Variants in TRERF1 observed in about 807,000 individuals in gnomAD.
TRERF1 encodes the protein transcriptional regulating factor 1.
Under a neutral mutation model 122.9 loss-of-function variants are expected in TRERF1, and 27 were observed. That is an observed-to-expected ratio of 0.22 (90% confidence interval 0.16 to 0.30). TRERF1 has a LOEUF of 0.30. TRERF1 is among the 10% of genes least tolerant of loss of function. TRERF1 has a pLI of 1.00. For synonymous variants in TRERF1, 636 were observed against 641.7 expected, an observed-to-expected ratio of 0.99 and a Z score of 0.13; for missense variants, 1,248 against 1,560.3, an observed-to-expected ratio of 0.80 and a Z score of 3.37.
chr6:42,356,944 T>C (rs1011480090), intron 3 of TRERF1, among the ~76,000 whole-genome samples: 5 of 152,116 alleles, frequency 3.3e-5, no homozygotes, highest in Admixed American at 3.3e-4. Context: ...GACAAGAATG[T>C]TGTGGTAATG....
intron 2 of TRERF1, among the ~76,000 whole-genome samples, chr6:42,410,469 A>G (rs1246852830): frequency 6.6e-6 from 1 of 152,184 alleles, no homozygotes. Flanking sequence ...TTTTTTAAAG[A>G]GCCCATTCAG....
At position 42,269,341 on chromosome 6, in the gene TRERF1, C is replaced by T. The variant is rs1158203112; in HGVS notation, c.250G>A (p.Gly84Arg). 6.2e-6 allele frequency: 10 copies of T among 1,614,076 alleles called. No homozygotes were observed. The highest frequency in any genetic ancestry group is 8.5e-6 in the Non-Finnish European group (10 of 1,180,038). ...CCAGGCCCTGCATGACTTCCCCACC[C>T]TCCCTGCCTCGAGGTATCCATTTGG... Residue 84 changes from glycine (G) to arginine (R), a missense_variant, in exon 5 of 18, where the codon GGG becomes AGG. Gly to Arg is a moderately radical substitution (Grantham distance 125). Around this residue, in one of 5 missense-constraint regions of TRERF1, gnomAD observed 946 missense variants for 1,073.0 expected, o/e 0.88. Coordinates refer to ENST00000372922, the Ensembl canonical transcript of TRERF1. The surrounding 1 kb of genome is among the most constrained non-coding windows in gnomAD (Gnocchi z 4.9).
intron 3 of TRERF1, among the ~76,000 whole-genome samples, chr6:42,314,051 T>C (rs1387405906): frequency 2.0e-5 from 3 of 152,120 alleles, no homozygotes; most frequent in African/African-American, 7.2e-5. Flanking sequence ...TAAAGGGTTT[T>C]TTTTTTGTGC....
At chr6:42,397,132 A>C (rs1778732016) in intron 2 of TRERF1, among the ~76,000 whole-genome samples, 1 of 152,208 alleles carries the variant, frequency 6.6e-6, no homozygotes, top group African/African-American at 2.4e-5. Context: ...GAAACTTACA[A>C]ACTAAAATTA....
intron 2 of TRERF1, among the ~76,000 whole-genome samples, chr6:42,401,983 G>A (rs1357225222): frequency 1.3e-5 from 2 of 152,178 alleles, no homozygotes; most frequent in Non-Finnish European, 2.9e-5. Context: ...ATAAGAGTGG[G>A]TCCTTTTATT....
At chr6:42,256,663 C>T (rs904430383) in intron 12 of TRERF1, 65 bp downstream of exon 12, 2 of 1,439,576 alleles carry the variant, frequency 1.4e-6, no homozygotes, top group Non-Finnish European at 9.8e-7. Context: ...GTACATGAGA[C>T]AATATTGAAA....
chr6:42,418,930 A>T (rs1398844343), intron 2 of TRERF1, among the ~76,000 whole-genome samples: 1 of 152,186 alleles, frequency 6.6e-6, no homozygotes, highest in Non-Finnish European at 1.5e-5. Flanking sequence ...ATCAAGTCAT[A>T]AAGCCTTAAA....
rs569978763 is a variant in TRERF1, at chr6:42,447,076, G to A, written c.-454+4101C>T. Among the ~76,000 whole-genome samples the A allele has an allele frequency of 3.3e-5, 5 of 152,250 alleles. 1 individual carries two copies. The South Asian group carries it at 1.0e-3, about 32-fold the overall frequency. ...TTATCACTGTTATTTAGGCACACGG[G>A]TTCTTTGTCCCCTTCCTGCTCTATC... On this transcript the variant is annotated intron_variant, in intron 2 of 17. Coordinates refer to ENST00000372922, the Ensembl canonical transcript of TRERF1.
At chr6:42,243,341 A>T in exon 15 of TRERF1, 1 of 1,614,056 alleles carries the variant, frequency 6.2e-7, no homozygotes, top group Non-Finnish European at 8.5e-7. Context: ...CCACGCACTG[A>T]GCCACCGTCT....
At chr6:42,233,502 G>A (rs531185844) in intron 16 of TRERF1, among the ~76,000 whole-genome samples, 2 of 151,930 alleles carry the variant, frequency 1.3e-5, no homozygotes, top group South Asian at 4.2e-4. Flanking sequence ...AGCCAGGATG[G>A]TCTCGATCTC....
chr6:42,356,465 G>A lies in TRERF1; in HGVS notation c.-371+6532C>T, dbSNP rs1770571583. Among the ~76,000 whole-genome samples the A allele has an allele frequency of 2.6e-5, 4 of 152,234 alleles. No homozygotes were observed. In the South Asian group the frequency reaches 8.3e-4, roughly 32 times the overall value. ...AAGAGATCAGGTGAGCACACAGCAA[G>A]ATGGCTCTCACTCACAAGCCAAGAG... On this transcript the variant is annotated intron_variant, in intron 3 of 17. Coordinates refer to ENST00000372922, the Ensembl canonical transcript of TRERF1.
chr6:42,256,171 G>GTCAACTGTT (rs1448747714), intron 12 of TRERF1, among the ~76,000 whole-genome samples: 1 of 151,366 alleles, frequency 6.6e-6, no homozygotes, highest in Non-Finnish European at 1.5e-5. Context: ...GGTTGAGCAG[G>GTCAACTGTT]TCAACTGTTA....
In TRERF1 at chr6:42,359,142, T is replaced by C. The variant is rs143516063; in HGVS notation, c.-371+3855A>G. Reference sequence around the variant, plus strand: ...GGAGGCCCTGTGCCAACCAGTGCTCTCCGCACCGTTAATCTGGGAACCCCA... The same window carrying C: ...GGAGGCCCTGTGCCAACCAGTGCTCCCCGCACCGTTAATCTGGGAACCCCA... On this transcript the variant is annotated intron_variant, in intron 3 of 17. Transcript: ENST00000372922. Among the ~76,000 whole-genome samples, 193 of 152,314 alleles carry C rather than the reference T, an allele frequency of 1.3e-3. 1 individual carries two copies. Among genetic ancestry groups the C allele is most frequent in the Non-Finnish European group, 2.1e-3 (142 of 68,018 alleles).
chr6:42,331,129 T>C lies in TRERF1; in HGVS notation c.-370-30380A>G, dbSNP rs1448466988. On this transcript the variant is annotated intron_variant, in intron 3 of 17. Coordinates refer to ENST00000372922, the Ensembl canonical transcript of TRERF1. The stretch of plus-strand genomic sequence containing the variant: ...GGACTTCTGATTCAAAGACGGTAGA[T>C]TGAAAGCATGTCTTTATCTCCTTTC... Among the ~76,000 whole-genome samples the C allele has an allele frequency of 2.0e-5, 3 of 152,320 alleles. No individual in the cohort carries two copies. The East Asian group carries it at 5.8e-4, about 29-fold the overall frequency.
chr6:42,408,258 TGTGTGTGTATGTATATATACATACA>T (rs1562152844), intron 2 of TRERF1, among the ~76,000 whole-genome samples: 1 of 84,104 alleles, frequency 1.2e-5, no homozygotes, highest in Non-Finnish European at 2.2e-5. Flanking sequence ...TACATACACA[TGTGTGTGTATGTATATATACATACA>T]CATGTGTGTG....
intron 2 of TRERF1, among the ~76,000 whole-genome samples, chr6:42,449,632 T>TCCCAG (rs1788117796): frequency 6.6e-6 from 1 of 152,144 alleles, no homozygotes; most frequent in South Asian, 2.1e-4. Flanking sequence ...TTGTTTACCC[T>TCCCAG]CCCAGCAAAT....
chr6:42,280,340 G>C (rs1028584621), intron 4 of TRERF1, among the ~76,000 whole-genome samples: 1 of 152,180 alleles, frequency 6.6e-6, no homozygotes, highest in Non-Finnish European at 1.5e-5. Context: ...CCGAGGATCC[G>C]GTTCTGGCCT....
At chr6:42,333,082 C>A (rs1765515505) in intron 3 of TRERF1, among the ~76,000 whole-genome samples, 1 of 152,186 alleles carries the variant, frequency 6.6e-6, no homozygotes, top group Non-Finnish European at 1.5e-5. Flanking sequence ...TGTGAGTCAG[C>A]AGAATGAGCC....
chr6:42,273,044 A>G (rs1780531531), intron 4 of TRERF1, among the ~76,000 whole-genome samples: 5 of 151,820 alleles, frequency 3.3e-5, no homozygotes, highest in Admixed American at 6.6e-5. Flanking sequence ...CCATTTGGAG[A>G]GCTCTTCCCC....
Sources: allele counts gnomAD v4.1 joint callset (sites outside exome capture counted in the v4.1 genomes callset), GRCh38; gene constraint gnomAD v4.1.1; regional missense constraint gnomAD v4.1.1; non-coding constraint Gnocchi (gnomAD v3.1); transcripts MANE v1.5; gene names NCBI Gene and HGNC (gene_info 2026-07-23, HGNC 2026-07-21).